FUBP3: variants seen among roughly 807,000 people sequenced by gnomAD.
FUBP3 encodes the protein far upstream element binding protein 3.
A neutral mutation model predicts 85.6 loss-of-function variants in FUBP3; 28 were observed. That is an observed-to-expected ratio of 0.33 (90% CI 0.24 to 0.45). The LOEUF (loss-of-function observed/expected upper bound fraction) is 0.45, where lower values mean the gene tolerates loss of function less well. Ranked by LOEUF, FUBP3 falls within the 20% of genes least tolerant of loss-of-function variation. FUBP3 has a pLI of 1.00. For missense variants in FUBP3, 583 were observed against 755.1 expected (o/e 0.77, Z 2.67); for synonymous variants, 271 against 271.4 (o/e 1.00, Z 0.01).
intron 8 of FUBP3, among the ~76,000 whole-genome samples, chr9:130,620,067 G>A (rs1324784474): frequency 6.6e-6 from 1 of 152,134 alleles, no homozygotes; most frequent in African/African-American, 2.4e-5. Flanking sequence ...AACACCTAGG[G>A]GTGATAGGAA....
At position 130,622,716 on chromosome 9, in the gene FUBP3, G is replaced by C; in HGVS notation, c.780G>C (p.Val260=). ...GGTTTCTCTGTGCCTAGGTATCTGT[G>C]CCTAGGTTTGCTGTGGGGATTGTAA... The part of the protein sequence containing the change: ...RMGGGSIEVS[V]PRFAVGIVIG... The change falls in exon 10 of 19, where the codon GTG becomes GTC. Residue 260 remains valine, a synonymous_variant. Coordinates refer to ENST00000319725, the MANE Select transcript of FUBP3 (RefSeq NM_003934.2). 1 of 1,554,220 alleles carries C rather than the reference G, an allele frequency of 6.4e-7. No homozygotes were observed.
At chr9:130,611,480 G>T (rs936050492) in intron 3 of FUBP3, among the ~76,000 whole-genome samples, 3 of 152,166 alleles carry the variant, frequency 2.0e-5, no homozygotes, top group African/African-American at 2.4e-5. Context: ...CCTCAAGGAG[G>T]GAGGGAGAAG....
chr9:130,589,675 G>GTGTGTGTGTATA (rs869282275), intron 1 of FUBP3, among the ~76,000 whole-genome samples: 2 of 34,292 alleles, frequency 5.8e-5, no homozygotes, highest in Admixed American at 4.8e-4. Flanking sequence ...GTATGTGTGT[G>GTGTGTGTGTATA]TATATATATA....
Position 130,580,376 on chromosome 9 carries a change from A to G in FUBP3, c.84+612A>G, listed in dbSNP as rs115747437. Among the ~76,000 whole-genome samples the G allele has an allele frequency of 2.3e-3, 343 of 152,318 alleles. 1 individual carries two copies. Among genetic ancestry groups the G allele is most frequent in the African/African-American group, 7.8e-3 (323 of 41,560 alleles). On this transcript the variant is annotated intron_variant, in intron 1 of 18. Transcript: ENST00000319725. ...GACATTGAAACTTTACTGTCTGACAATGTCGTGCATTTAATCAAAGTTAAA... is the reference window on the plus strand; with the variant it reads ...GACATTGAAACTTTACTGTCTGACAGTGTCGTGCATTTAATCAAAGTTAAA...
chr9:130,583,679 C>T (rs1362155059), intron 1 of FUBP3, among the ~76,000 whole-genome samples: 1 of 152,174 alleles, frequency 6.6e-6, no homozygotes, highest in Non-Finnish European at 1.5e-5. Flanking sequence ...TGTAGCTTTA[C>T]ATTGTTGGGA....
chr9:130,605,207 C>T (rs565455778), intron 2 of FUBP3, among the ~76,000 whole-genome samples: 2 of 152,274 alleles, frequency 1.3e-5, no homozygotes, highest in East Asian at 3.9e-4. Flanking sequence ...GGGCCCAACA[C>T]GTCCCTGGAG....
chr9:130,595,824 G>C (rs917190801), intron 2 of FUBP3, among the ~76,000 whole-genome samples: 2 of 152,186 alleles, frequency 1.3e-5, no homozygotes, highest in African/African-American at 4.8e-5. Context: ...TGGCCCCTGA[G>C]CATCAGCTTG....
In FUBP3 at chr9:130,590,594, G is replaced by T. The variant is rs141038596; in HGVS notation, c.85-4889G>T. ...GGAGGAGAGTGGCCTTGGTTTTGTG[G>T]ACCATCCTGGCTTTTATCTCCTGGC... On this transcript the variant is annotated intron_variant, in intron 1 of 18. Coordinates refer to ENST00000319725, the MANE Select transcript of FUBP3 (RefSeq NM_003934.2). Among the ~76,000 whole-genome samples, 923 of 152,236 alleles carry T rather than the reference G, an allele frequency of 6.1e-3. 14 individuals are homozygous for T. The highest frequency in any genetic ancestry group is 0.021 in the African/African-American group (877 of 41,518).
In FUBP3 at chr9:130,620,521, T is replaced by C. The variant is rs538085293; in HGVS notation, c.771+63T>C. 13 of 775,996 alleles carry C rather than the reference T, an allele frequency of 1.7e-5. No individual in the cohort carries two copies. The East Asian group carries it at 3.0e-4, about 18-fold the overall frequency. The allele number at this position is 775,996 out of a possible 1,614,324, so 48.1% of individuals were successfully genotyped here. A position where few individuals can be genotyped will look rare whatever the true frequency, so the allele number is the denominator to read the frequency against. On this transcript the variant is annotated intron_variant, in intron 9 of 18. Coordinates refer to ENST00000319725, the MANE Select transcript of FUBP3 (RefSeq NM_003934.2). ...AGGACTAAAGTTGTAGGTCACACTT[T>C]TGTTAGCTCTTTAACCCTGAGCAAG...
rs767651200 is a variant in FUBP3 at position 130,579,747 on chromosome 9, C to T, written c.67C>T (p.Leu23=). ...GMKAEGFVDA[L]HRVRQIAAKI... ...GAAGGCCGAGGGCTTCGTGGATGCC[C>T]TGCACCGGGTCCGGCAGGTACGGGC... Residue 23 remains leucine, a synonymous_variant, in exon 1 of 19, where the codon CTG becomes TTG. Coordinates refer to ENST00000319725, the MANE Select transcript of FUBP3 (RefSeq NM_003934.2). 1 of 1,281,194 alleles carries T rather than the reference C, an allele frequency of 7.8e-7. No homozygotes were observed. Among genetic ancestry groups the T allele is most frequent in the Non-Finnish European group, 9.9e-7 (1 of 1,011,054 alleles). 79.4% of individuals were successfully genotyped at this position (1,281,194 alleles called of 1,614,324 possible). A position where few individuals can be genotyped will look rare whatever the true frequency, so the allele number is the denominator to read the frequency against.
At position 130,635,356 on chromosome 9, in the gene FUBP3, C is replaced by T. The variant is rs1017074592; in HGVS notation, c.1582+618C>T. ...GGGATATATCCCACGATTACTAGAC[C>T]GGAGGACTGAGGGCTTGTTTAAAGA... On this transcript the variant is annotated intron_variant, in intron 17 of 18. Transcript: ENST00000319725. This position sits in a 1 kb window ranked among gnomAD's most constrained non-coding sequence, Gnocchi z 4.3. Among the ~76,000 whole-genome samples, 3 of 152,168 alleles carry T rather than the reference C, an allele frequency of 2.0e-5. No homozygotes were observed. Among genetic ancestry groups the T allele is most frequent in the Non-Finnish European group, 2.9e-5 (2 of 68,040 alleles).
chr9:130,583,103 G>A (rs987381172), intron 1 of FUBP3, among the ~76,000 whole-genome samples: 1 of 152,208 alleles, frequency 6.6e-6, no homozygotes, highest in Non-Finnish European at 1.5e-5. Flanking sequence ...TTAAATGAGT[G>A]TGACCAAGCC....
At chr9:130,634,248 C>A (rs183376140) in intron 16 of FUBP3, among the ~76,000 whole-genome samples, 1 of 152,342 alleles carries the variant, frequency 6.6e-6, no homozygotes, top group Admixed American at 6.5e-5. Context: ...GTGCTGCCTA[C>A]CCCTGCTCCA....
chr9:130,631,531 T>G, intron 13 of FUBP3, 26 bp from the exon 14 acceptor site: 1 of 1,593,274 alleles, frequency 6.3e-7, no homozygotes, highest in South Asian at 1.1e-5. Context: ...CAACAGCGGG[T>G]GAGAGCTCCC....
chr9:130,602,180 A>G lies in FUBP3; in HGVS notation c.190+6592A>G, dbSNP rs558138959. Among the ~76,000 whole-genome samples the G allele has an allele frequency of 4.9e-4, 75 of 152,292 alleles. 1 individual carries two copies. Among genetic ancestry groups the G allele is most frequent in the Middle Eastern group, 3.4e-3 (1 of 294 alleles). On this transcript the variant is annotated intron_variant, in intron 2 of 18. Transcript: ENST00000319725. The stretch of plus-strand genomic sequence containing the variant: ...ATACACTACCCACTCACCAATGTAT[A>G]GGAAAAAATGTAGCGTATACAGGGT...
chr9:130,628,121 C>CAG (rs1564223158), intron 12 of FUBP3, among the ~76,000 whole-genome samples: 1 of 151,938 alleles, frequency 6.6e-6, no homozygotes, highest in African/African-American at 2.4e-5. Context: ...CACACACACA[C>CAG]ACACACCCCC....
intron 5 of FUBP3, among the ~76,000 whole-genome samples, chr9:130,613,345 G>A (rs866102206): frequency 2.6e-5 from 4 of 152,150 alleles, no homozygotes; most frequent in Admixed American, 6.5e-5. Context: ...GGCATAGTGG[G>A]GCCTGTAGGA....
At chr9:130,584,074 A>G (rs1013333301) in intron 1 of FUBP3, among the ~76,000 whole-genome samples, 3 of 152,086 alleles carry the variant, frequency 2.0e-5, no homozygotes, top group Non-Finnish European at 1.5e-5. Context: ...GCCCATGTGT[A>G]TTACCAAACT....
intron 2 of FUBP3, 89 bp downstream of exon 2, chr9:130,595,677 C>T: frequency 2.6e-6 from 2 of 770,132 alleles, no homozygotes; most frequent in Non-Finnish European, 4.8e-6. Context: ...TAACGACTCT[C>T]TGAAGTGTCA....
Sources: gnomAD v4.1 joint callset for allele counts (sites outside exome capture counted in the v4.1 genomes callset) on GRCh38, gnomAD v4.1.1 for gene constraint, Gnocchi (gnomAD v3.1) non-coding constraint, MANE v1.5 for transcripts, NCBI Gene and HGNC (gene_info 2026-07-23, HGNC 2026-07-21) for gene names.